Variants in MAGI2 observed in about 807,000 individuals in gnomAD.
MAGI2 encodes the protein membrane associated guanylate kinase, WW and PDZ domain containing 2, also known as membrane-associated guanylate kinase, WW and PDZ domain-containing protein 2.
A neutral mutation model predicts 133.3 loss-of-function variants in MAGI2; 35 were observed. That is an observed-to-expected ratio of 0.26 (90% CI 0.20 to 0.35). The LOEUF is 0.35. Ranked by LOEUF, MAGI2 falls within the 10% of genes least tolerant of loss-of-function variation. The pLI is 1.00. For synonymous variants in MAGI2, 729 were observed against 710.6 expected, an observed-to-expected ratio of 1.03 and a Z score of -0.41; for missense variants, 1,636 against 1,863.4, an observed-to-expected ratio of 0.88 and a Z score of 2.25.
At position 78,401,077 on chromosome 7, in the gene MAGI2, AT is replaced by A. The variant is rs751544512; in HGVS notation, c.1046-31865del. ...TATTTCCATTCCTTTGAAAAAAAAA[AT>A]AAAATTTTCTAACTCTCAAGAGCCT... On this transcript the variant is annotated intron_variant, in intron 6 of 21. Coordinates refer to ENST00000354212, the MANE Select transcript of MAGI2 (RefSeq NM_012301.4). 1.0e-3 allele frequency among the ~76,000 whole-genome samples: 157 copies of A among 151,422 alleles called. 2 individuals are homozygous for A. Among genetic ancestry groups the A allele is most frequent in the East Asian group, 5.7e-3 (29 of 5,118 alleles).
At chr7:78,563,083 G>C (rs145168627) in intron 3 of MAGI2, among the ~76,000 whole-genome samples, 45 of 151,570 alleles carry the variant, frequency 3.0e-4, no homozygotes, top group East Asian at 1.2e-3. Flanking sequence ...ATGGTAATAA[G>C]AGCCTGGTAA....
At chr7:79,179,078 C>G (rs1826378812) in intron 1 of MAGI2, among the ~76,000 whole-genome samples, 1 of 151,968 alleles carries the variant, frequency 6.6e-6, no homozygotes, top group Admixed American at 6.6e-5. Flanking sequence ...TCCTCACCAT[C>G]ATGGTATAGT....
intron 6 of MAGI2, among the ~76,000 whole-genome samples, chr7:78,374,285 T>C (rs555388961): frequency 5.9e-5 from 9 of 152,252 alleles, no homozygotes; most frequent in Non-Finnish European, 8.8e-5. Flanking sequence ...TATCCTTTTG[T>C]GGTTTGAGTT....
chr7:79,041,561 A>G (rs919937685), intron 1 of MAGI2, among the ~76,000 whole-genome samples: 1 of 152,156 alleles, frequency 6.6e-6, no homozygotes, highest in South Asian at 2.1e-4. Flanking sequence ...TTATTATCAC[A>G]TTAGTATAAA....
At chr7:78,767,463 G>T (rs537934298) in intron 2 of MAGI2, among the ~76,000 whole-genome samples, 1 of 152,128 alleles carries the variant, frequency 6.6e-6, no homozygotes, top group East Asian at 1.9e-4. Context: ...GACAGTAGAA[G>T]AAAAATGTTC....
rs568460235 is a variant in MAGI2, at chr7:78,131,904, C to T, written c.3203+985G>A. On this transcript the variant is annotated intron_variant, in intron 18 of 21. Transcript: ENST00000354212. ...TTATTTTATTTTTGAGACAGAGTCTCACTCTGTCATCCAGGCTGGAGTGTA... is the reference window on the plus strand; with the variant it reads ...TTATTTTATTTTTGAGACAGAGTCTTACTCTGTCATCCAGGCTGGAGTGTA... Among the ~76,000 whole-genome samples the T allele has an allele frequency of 2.0e-5, 3 of 152,316 alleles. No individual in the cohort carries two copies. In the East Asian group the frequency reaches 5.8e-4, roughly 29 times the overall value.
intron 2 of MAGI2, among the ~76,000 whole-genome samples, chr7:78,673,184 G>T (rs1208893404): frequency 6.6e-6 from 1 of 151,594 alleles, no homozygotes; most frequent in East Asian, 1.9e-4. Context: ...AACTCATTTC[G>T]TTAATGACAT....
At chr7:78,295,207 T>G (rs1797109385) in intron 9 of MAGI2, among the ~76,000 whole-genome samples, 1 of 152,180 alleles carries the variant, frequency 6.6e-6, no homozygotes, top group South Asian at 2.1e-4. Flanking sequence ...TGCTGCTGGC[T>G]TAGAGAAAGT....
At chr7:79,089,851 G>C (rs1816890652) in intron 1 of MAGI2, among the ~76,000 whole-genome samples, 1 of 152,092 alleles carries the variant, frequency 6.6e-6, no homozygotes, top group Non-Finnish European at 1.5e-5. Context: ...CAGAAGGTGA[G>C]GGGCTAGAGG....
At chr7:79,242,949 G>T (rs908457923) in intron 1 of MAGI2, among the ~76,000 whole-genome samples, 7 of 152,060 alleles carry the variant, frequency 4.6e-5, no homozygotes, top group Admixed American at 2.0e-4. Context: ...AGGCACAGTG[G>T]CTCACATCTG....
At chr7:79,028,243 A>ATC (rs1810127145) in intron 1 of MAGI2, among the ~76,000 whole-genome samples, 4 of 48,586 alleles carry the variant, frequency 8.2e-5, no homozygotes, top group African/African-American at 2.3e-4. Flanking sequence ...ATGTATATAT[A>ATC]TATATATATA....
intron 1 of MAGI2, among the ~76,000 whole-genome samples, chr7:79,099,035 T>A (rs1817744634): frequency 6.6e-6 from 1 of 152,194 alleles, no homozygotes; most frequent in African/African-American, 2.4e-5. Context: ...AATGTCAGCA[T>A]GCCAGACGTG....
intron 1 of MAGI2, among the ~76,000 whole-genome samples, chr7:79,388,566 G>T (rs1844365014): frequency 6.6e-6 from 1 of 151,718 alleles, no homozygotes; most frequent in African/African-American, 2.4e-5. Flanking sequence ...GGTAAAGTAT[G>T]TAAATGTAAT....
At chr7:78,154,591 C>A (rs1414011768) in intron 16 of MAGI2, among the ~76,000 whole-genome samples, 6 of 152,072 alleles carry the variant, frequency 3.9e-5, no homozygotes, top group African/African-American at 7.2e-5. Flanking sequence ...TTAGAAATTC[C>A]CTCAATAGCC....
intron 1 of MAGI2, among the ~76,000 whole-genome samples, chr7:79,259,667 T>C (rs940424051): frequency 6.6e-6 from 1 of 152,200 alleles, no homozygotes; most frequent in Non-Finnish European, 1.5e-5. Context: ...TTGGGGAAGA[T>C]GCTAAGAATT....
chr7:78,911,323 A>C (rs1419762006), intron 2 of MAGI2, among the ~76,000 whole-genome samples: 1 of 152,168 alleles, frequency 6.6e-6, no homozygotes, highest in Admixed American at 6.5e-5. Context: ...ATTCTCCCCA[A>C]ATGTATATGT....
intron 21 of MAGI2, among the ~76,000 whole-genome samples, chr7:78,059,637 A>G (rs1813006919): frequency 6.6e-6 from 1 of 151,970 alleles, no homozygotes; most frequent in African/African-American, 2.4e-5. Context: ...CTGTCTGACT[A>G]TTCTGGTCAT....
chr7:79,134,577 G>A (rs1000865460), intron 1 of MAGI2, among the ~76,000 whole-genome samples: 4 of 151,986 alleles, frequency 2.6e-5, no homozygotes, highest in African/African-American at 4.8e-5. Context: ...TCTCTATATC[G>A]CACATACTTA....
intron 21 of MAGI2, among the ~76,000 whole-genome samples, chr7:78,075,300 G>C (rs138882890): frequency 2.0e-5 from 3 of 152,116 alleles, no homozygotes; most frequent in Non-Finnish European, 4.4e-5. Context: ...GCCTGCATGT[G>C]GATTCCTCCA....
Sources: gnomAD v4.1 joint callset for allele counts (sites outside exome capture counted in the v4.1 genomes callset) on GRCh38, gnomAD v4.1.1 for gene constraint, MANE v1.5 for transcripts, NCBI Gene and HGNC (gene_info 2026-07-23, HGNC 2026-07-21) for gene names.